Variants in ADD1 observed in about 807,000 individuals in gnomAD.
The protein encoded by ADD1 is adducin 1.
A neutral mutation model predicts 80.5 loss-of-function variants in ADD1; 24 were observed. The observed-to-expected ratio is 0.30, with a 90% CI of 0.22 to 0.42. The LOEUF (loss-of-function observed/expected upper bound fraction) is 0.42, where lower values mean the gene tolerates loss of function less well. Among genes scored for constraint, ADD1 ranks in the 10% least tolerant of loss-of-function variants. ADD1 has a pLI of 1.00. For missense variants in ADD1, 948 were observed against 1,019.0 expected (o/e 0.93, Z 0.95); for synonymous variants, 373 against 393.8 (o/e 0.95, Z 0.63).
chr4:2,921,567 C>G (rs7436306), intron 14 of ADD1, among the ~76,000 whole-genome samples: 37,056 of 152,104 alleles, frequency 0.24, 4,902 homozygotes, highest in Non-Finnish European at 0.28. Context: ...CTGCCCTTAA[C>G]ATTTTTTCCT....
rs755382822 is a variant in ADD1, at chr4:2,876,055, A to T, written c.140A>T (p.Gln47Leu). ...RERNMAPDLR[Q>L]DFNMMEQKKR... ...AGGAACATGGCACCAGACCTTCGCC[A>T]GGACTTCAACATGATGGAGCAAAAG... Residue 47 changes from glutamine (Q) to leucine (L), a missense_variant, in exon 2 of 16, where the codon CAG becomes CTG. By Grantham distance (113) the Gln-to-Leu change is moderately radical. Coordinates refer to ENST00000683351, the MANE Select transcript of ADD1 (RefSeq NM_001354761.2). 1 of 1,614,130 alleles carries T rather than the reference A, an allele frequency of 6.2e-7. No individual in the cohort carries two copies. The highest frequency in any genetic ancestry group is 8.5e-7 in the Non-Finnish European group (1 of 1,180,006).
At chr4:2,869,144 C>T (rs1024323096) in intron 1 of ADD1, among the ~76,000 whole-genome samples, 5 of 152,146 alleles carry the variant, frequency 3.3e-5, no homozygotes, top group Admixed American at 3.3e-4. Flanking sequence ...CTGACAGCCC[C>T]TCTCTATGAG....
rs549882221 is a variant in ADD1, at chr4:2,928,195, G to A, written c.2072G>A (p.Gly691Glu). The stretch of plus-strand genomic sequence containing the variant: ...GACCTTGTGCCGGAGCCGACTACTG[G>A]AGATGACAGTGATGCTGCCACCTTT... ...EEDLVPEPTT[G>E]DDSDAATFKP... Residue 691 changes from glycine (G) to glutamate (E), a missense_variant, in exon 16 of 16, where the codon GGA becomes GAA. By Grantham distance (98) the Gly-to-Glu change is moderately conservative. Coordinates refer to ENST00000683351, the MANE Select transcript of ADD1 (RefSeq NM_001354761.2). 1.2e-6 allele frequency: 2 copies of A among 1,614,096 alleles called. No individual in the cohort carries two copies. The highest frequency in any genetic ancestry group is 1.1e-5 in the South Asian group (1 of 91,068).
rs559758217 is a variant in ADD1, at chr4:2,874,616, A to G, written c.-20-1280A>G. 1.8e-3 allele frequency among the ~76,000 whole-genome samples: 277 copies of G among 152,184 alleles called. 1 individual carries two copies. Among genetic ancestry groups the G allele is most frequent in the Non-Finnish European group, 3.2e-3 (216 of 68,000 alleles). ...AGTGAGACTGTCTCAAAAAAAAAAA[A>G]AAAGAAAGAAATACTGCCACTTTAA... is the stretch of plus-strand genomic sequence containing the variant. On this transcript the variant is annotated intron_variant, in intron 1 of 15. Coordinates refer to ENST00000683351, the MANE Select transcript of ADD1 (RefSeq NM_001354761.2).
chr4:2,851,674 T>C (rs1365748650), intron 1 of ADD1, among the ~76,000 whole-genome samples: 2 of 152,186 alleles, frequency 1.3e-5, no homozygotes, highest in African/African-American at 4.8e-5. Context: ...TTCAAGTTAT[T>C]GTCACATAGG....
chr4:2,909,208 A>G (rs953059948), intron 12 of ADD1, 131 bp from the exon 13 acceptor site: 3 of 747,888 alleles, frequency 4.0e-6, no homozygotes, highest in Non-Finnish European at 6.9e-6. Flanking sequence ...ACGTCCTGCC[A>G]TCATCACTGC....
Position 2,898,170 on chromosome 4 carries a change from C to T in ADD1, c.742-14C>T. ...CCAGGTTTTCCTTCTTCATGGCGAC[C>T]ATTTGGTCTCTAGGTCTCTGCAATG... On this transcript the variant is annotated splice_polypyrimidine_tract_variant and intron_variant, in intron 6 of 15. Transcript: ENST00000683351. 6.2e-7 allele frequency: 1 copy of T among 1,601,506 alleles called. No homozygotes were observed. Among genetic ancestry groups the T allele is most frequent in the Non-Finnish European group, 8.5e-7 (1 of 1,173,048 alleles).
At chr4:2,925,937 C>T (rs899480412) in intron 14 of ADD1, 77 bp from the exon 15 acceptor site, 14 of 1,303,394 alleles carry the variant, frequency 1.1e-5, no homozygotes, top group Non-Finnish European at 1.4e-5. Flanking sequence ...CGGGCTGCCC[C>T]ATCTGCCATG....
chr4:2,885,839 T>TGACCTCGTCATCCGCC (rs1733236771), intron 4 of ADD1, among the ~76,000 whole-genome samples: 5 of 152,054 alleles, frequency 3.3e-5, no homozygotes, highest in Non-Finnish European at 7.4e-5. Context: ...CTCGATCTCC[T>TGACCTCGTCATCCGCC]GACCTTGTGA....
rs374828271 is a variant in ADD1, at chr4:2,881,991, T to C, written c.289T>C (p.Phe97Leu). 1.9e-6 allele frequency: 3 copies of C among 1,613,138 alleles called. No homozygotes were observed. In the African/African-American group the frequency reaches 4.0e-5, roughly 22 times the overall value. ...GLLALQQIADFMTTNVPNVYP... is the reference protein window; with the variant it reads ...GLLALQQIADLMTTNVPNVYP... Reference sequence around the variant, plus strand: ...ATTGGCATTACAGCAGATTGCAGATTTTATGACCACGAATGTACCAAATGT... The same window carrying C: ...ATTGGCATTACAGCAGATTGCAGATCTTATGACCACGAATGTACCAAATGT... The change falls in exon 3 of 16, where the codon TTT becomes CTT. Residue 97 changes from phenylalanine (F) to leucine (L), a missense_variant. Phe to Leu is a conservative substitution (Grantham distance 22). Transcript: ENST00000683351.
rs1443030438 is a variant in ADD1 at position 2,926,259 on chromosome 4, A to G, written c.2047+147A>G. On this transcript the variant is annotated intron_variant, in intron 15 of 15. Coordinates refer to ENST00000683351, the MANE Select transcript of ADD1 (RefSeq NM_001354761.2). This position sits in a 1 kb window ranked among gnomAD's most constrained non-coding sequence, Gnocchi z 5.0. ...GGACGTGACACCTTTCTCCTCCTAT[A>G]TTGCTTCTGTCCTGGGTAACTCCAG... The G allele has an allele frequency of 3.9e-6, 3 of 774,682 alleles. No homozygotes were observed. Among genetic ancestry groups the G allele is most frequent in the Non-Finnish European group, 6.8e-6 (3 of 441,238 alleles). The allele number at this position is 774,682 out of a possible 1,614,324, so 48.0% of individuals were successfully genotyped here.
chr4:2,919,638 T>C (rs1301082257), intron 14 of ADD1, among the ~76,000 whole-genome samples: 1 of 152,244 alleles, frequency 6.6e-6, no homozygotes, highest in Non-Finnish European at 1.5e-5. Flanking sequence ...GTGTTCATAG[T>C]ATTCTCTGAT....
Position 2,904,967 on chromosome 4 carries a change from A to T in ADD1, c.1365A>T (p.Glu455Asp). ...TRWLNSGRGD[E>D]ASEEGQNGSS... ...GGCTGAACTCTGGCCGGGGCGACGA[A>T]GCTTCCGAGGAAGGGCAGAATGGAA... The change falls in exon 10 of 16, where the codon GAA (glutamate) becomes GAT (aspartate). Residue 455 changes from glutamate (E) to aspartate (D), a missense_variant. Glu to Asp is a conservative substitution (Grantham distance 45, BLOSUM62 2). Transcript: ENST00000683351. 6.2e-7 allele frequency: 1 copy of T among 1,614,224 alleles called. No individual in the cohort carries two copies. The highest frequency in any genetic ancestry group is 8.5e-7 in the Non-Finnish European group (1 of 1,180,040).
At position 2,894,076 on chromosome 4, in the gene ADD1, G is replaced by A. The variant is rs1734753596; in HGVS notation, c.574G>A (p.Val192Met). The A allele has an allele frequency of 6.2e-7, 1 of 1,614,062 alleles. No individual in the cohort carries two copies. The highest frequency in any genetic ancestry group is 2.2e-5 in the East Asian group (1 of 44,888). ...IVPFGLLYSE[V>M]TASSLVKINL... The stretch of plus-strand genomic sequence containing the variant: ...CCCTTTTGGGCTTCTTTACAGTGAA[G>A]TGACTGCATCCAGTTTGGTAAGAAT... The change falls in exon 5 of 16, where the codon GTG becomes ATG. Residue 192 changes from valine (V) to methionine (M), a missense_variant. Coordinates refer to ENST00000683351, the MANE Select transcript of ADD1 (RefSeq NM_001354761.2).
In ADD1 at chr4:2,926,754, G is replaced by A; in HGVS notation, c.2047+642G>A. 6.8e-7 allele frequency: 1 copy of A among 1,481,446 alleles called. No homozygotes were observed. Among genetic ancestry groups the A allele is most frequent in the Middle Eastern group, 1.8e-4 (1 of 5,626 alleles). The allele number at this position is 1,481,446 out of a possible 1,614,324, so 91.8% of individuals were successfully genotyped here. A position where few individuals can be genotyped will look rare whatever the true frequency, so the allele number is the denominator to read the frequency against. On this transcript the variant is annotated intron_variant, in intron 15 of 15. Transcript: ENST00000683351. The surrounding 1 kb of genome is among the most constrained non-coding windows in gnomAD (Gnocchi z 5.0). ...CTCCTGCTTCTTTGTTGTTTATTAA[G>A]TTTTGTTTTCTGTTTATTTAAAATA...
chr4:2,903,599 TAG>T (rs754922266), intron 9 of ADD1, among the ~76,000 whole-genome samples: 2 of 152,216 alleles, frequency 1.3e-5, no homozygotes, highest in African/African-American at 2.4e-5. Flanking sequence ...GAGCCAGCAG[TAG>T]AGACAGAGAC....
chr4:2,928,558 C>A lies in ADD1; in HGVS notation c.*35C>A, dbSNP rs779996189. Reference sequence around the variant, plus strand: ...GCTAACACTGTCCTGTCCGGAGCGACCCTGGCTCTGCCAGCGTCCCCGGCC... The same window carrying A: ...GCTAACACTGTCCTGTCCGGAGCGAACCTGGCTCTGCCAGCGTCCCCGGCC... On this transcript the variant is annotated 3_prime_UTR_variant, in exon 16 of 16. Coordinates refer to ENST00000683351, the MANE Select transcript of ADD1 (RefSeq NM_001354761.2). The A allele has an allele frequency of 1.3e-6, 2 of 1,584,348 alleles. No homozygotes were observed. The highest frequency in any genetic ancestry group is 1.2e-5 in the South Asian group (1 of 86,774).
rs1000236844 is a variant in ADD1 at position 2,926,928 on chromosome 4, A to G, written c.2047+816A>G. Among the ~76,000 whole-genome samples, 2 of 151,872 alleles carry G rather than the reference A, an allele frequency of 1.3e-5. No homozygotes were observed. The highest frequency in any genetic ancestry group is 2.4e-5 in the African/African-American group (1 of 41,320). On this transcript the variant is annotated intron_variant, in intron 15 of 15. Coordinates refer to ENST00000683351, the MANE Select transcript of ADD1 (RefSeq NM_001354761.2). The surrounding 1 kb of genome is among the most constrained non-coding windows in gnomAD (Gnocchi z 5.0). ...AGCACTCTGGGCCTCAGGAGTTCCTACCTCCAGCCTTTGAGGGTCTCTTTG... is the reference window on the plus strand; with the variant it reads ...AGCACTCTGGGCCTCAGGAGTTCCTGCCTCCAGCCTTTGAGGGTCTCTTTG...
rs1267116705 is a variant in ADD1, at chr4:2,865,430, TCTCAGCC to T, written c.-20-10465_-20-10459del. Among the ~76,000 whole-genome samples the T allele has an allele frequency of 4.6e-5, 7 of 152,350 alleles. No individual in the cohort carries two copies. In the South Asian group the frequency reaches 6.2e-4, roughly 14 times the overall value. On this transcript the variant is annotated intron_variant, in intron 1 of 15. Coordinates refer to ENST00000683351, the MANE Select transcript of ADD1 (RefSeq NM_001354761.2). The stretch of plus-strand genomic sequence containing the variant: ...TTCAGAGTTAATGAAGTATCTCATG[TCTCAGCC>T]TTTGCGTGTACAGAATAAATACGTT...
Sources: gnomAD v4.1 joint callset for allele counts (sites outside exome capture counted in the v4.1 genomes callset) on GRCh38, gnomAD v4.1.1 for gene constraint, Gnocchi (gnomAD v3.1) non-coding constraint, MANE v1.5 for transcripts, NCBI Gene and HGNC (gene_info 2026-07-23, HGNC 2026-07-21) for gene names.